The following TCF4 variants were observed in gnomAD, a reference collection of about 807,000 sequenced individuals.
The protein encoded by TCF4 is SL3-3 enhancer factor 2.
In TCF4, 3 loss-of-function variants were observed where a neutral mutation model predicts 82.1. The ratio of observed to expected loss-of-function variants is 0.04; its 90% CI spans 0.02 to 0.09. TCF4 has a LOEUF of 0.09. TCF4 is among the 10% of genes least tolerant of loss of function. TCF4 has a pLI of 1.00. For synonymous variants in TCF4, 276 were observed against 309.6 expected, an observed-to-expected ratio of 0.89 and a Z score of 1.14; for missense variants, 518 against 852.7, an observed-to-expected ratio of 0.61 and a Z score of 4.89.
intron 3 of TCF4, among the ~76,000 whole-genome samples, chr18:55,484,857 G>A (rs566402254): frequency 6.6e-6 from 1 of 152,230 alleles, no homozygotes; most frequent in East Asian, 1.9e-4. Flanking sequence ...TTAGTAGAAC[G>A]TGCAGCAGTT....
chr18:55,325,795 A>C (rs1291281248), intron 8 of TCF4, among the ~76,000 whole-genome samples: 2 of 152,230 alleles, frequency 1.3e-5, no homozygotes, highest in Admixed American at 6.5e-5. Flanking sequence ...AATTAGCTAA[A>C]CATCATATCC....
At position 55,535,617 on chromosome 18, in the gene TCF4, A is replaced by AT. The variant is rs1002389451; in HGVS notation, c.145+49662dup. Among the ~76,000 whole-genome samples the AT allele has an allele frequency of 6.3e-3, 965 of 152,288 alleles. 14 individuals carry two copies. The highest frequency in any genetic ancestry group is 0.022 in the African/African-American group (930 of 41,568). On this transcript the variant is annotated intron_variant, in intron 3 of 19. Transcript: ENST00000354452. ...TTGAGAAAATGTGGCAATAAAATATATTTTTTCTTGGAGGCAAATCCTAAA... is the reference window on the plus strand; with the variant it reads ...TTGAGAAAATGTGGCAATAAAATATATTTTTTTCTTGGAGGCAAATCCTAAA...
intron 5 of TCF4, among the ~76,000 whole-genome samples, chr18:55,457,020 C>T (rs868030122): frequency 6.6e-6 from 1 of 152,142 alleles, no homozygotes. Flanking sequence ...AGGCAAAATG[C>T]AACCTGGCAT....
At chr18:55,586,150 G>GAGGAGCAGC (rs1156253191) in intron 2 of TCF4, 3 of 1,222,914 alleles carry the variant, frequency 2.5e-6, no homozygotes, top group East Asian at 7.3e-5. Context: ...GGAGGAGGAG[G>GAGGAGCAGC]AGGAGCAGCA....
At chr18:55,629,859 G>A (rs957757133) in intron 2 of TCF4, among the ~76,000 whole-genome samples, 1 of 152,230 alleles carries the variant, frequency 6.6e-6, no homozygotes, top group Non-Finnish European at 1.5e-5. Context: ...CTTGGACCAC[G>A]GGGCTTTTGT....
At chr18:55,266,123 T>A (rs1257426895) in intron 11 of TCF4, 2 of 152,090 alleles carry the variant, frequency 1.3e-5, no homozygotes, top group Admixed American at 1.3e-4. Flanking sequence ...GTCTCAGTGG[T>A]CTGTGCTATG....
intron 3 of TCF4, among the ~76,000 whole-genome samples, chr18:55,515,197 T>C (rs1191803270): frequency 6.6e-6 from 1 of 151,920 alleles, no homozygotes; most frequent in Non-Finnish European, 1.5e-5. Context: ...GTCAGGCAAG[T>C]AGATGAGAGA....
intron 3 of TCF4, among the ~76,000 whole-genome samples, chr18:55,497,231 T>C (rs543180680): frequency 4.6e-5 from 7 of 152,338 alleles, no homozygotes; most frequent in South Asian, 2.1e-4. Flanking sequence ...AGTTTCTGAA[T>C]CCTAAATTAG....
At chr18:55,385,395 T>A (rs1603430561) in intron 6 of TCF4, among the ~76,000 whole-genome samples, 1 of 152,336 alleles carries the variant, frequency 6.6e-6, no homozygotes, top group Non-Finnish European at 1.5e-5. Context: ...AACCTCCAAA[T>A]GTTTTTCATA....
Position 55,461,095 on chromosome 18 carries a change from G to A in TCF4, c.228C>T (p.Pro76=). 6.2e-7 allele frequency: 1 copy of A among 1,613,092 alleles called. No individual in the cohort carries two copies. Among genetic ancestry groups the A allele is most frequent in the Non-Finnish European group, 8.5e-7 (1 of 1,179,338 alleles). ...SPSRNYGDGT[P]YDHMTSRDLG... ...GGTCCCTGCTGGTCATGTGGTCATA[G>A]GGAGTCCCATCTCCATAGTTCTGTA... The change falls in exon 5 of 20, where the codon CCC becomes CCT. Residue 76 remains proline (P), a synonymous_variant. Transcript: ENST00000354452.
chr18:55,554,723 T>C (rs766572513), intron 3 of TCF4, among the ~76,000 whole-genome samples: 1 of 152,190 alleles, frequency 6.6e-6, no homozygotes, highest in Non-Finnish European at 1.5e-5. Context: ...TGCCATGCAG[T>C]GGCCCTGGCA....
Position 55,322,425 on chromosome 18 carries a change from GAAAAAAAAAAAAAA to G in TCF4, c.549+27920_549+27933del, listed in dbSNP as rs967879627. 2.2e-5 allele frequency: 17 copies of G among 776,972 alleles called. No individual in the cohort carries two copies. The African/African-American group carries it at 5.0e-4, about 23-fold the overall frequency. 48.1% of individuals were successfully genotyped at this position (776,972 alleles called of 1,614,324 possible). On this transcript the variant is annotated intron_variant, in intron 8 of 19. Coordinates refer to ENST00000354452, the MANE Select transcript of TCF4 (RefSeq NM_001083962.2). Reference sequence around the variant, plus strand: ...GAAAGGGGAGGGAAAGGGGAGGGAAGAAAAAAAAAAAAAAAAAAAAAAAAACACCACGTCTCTGA... The same window carrying G: ...GAAAGGGGAGGGAAAGGGGAGGGAAGAAAAAAAAAAACACCACGTCTCTGA...
At position 55,444,796 on chromosome 18, in the gene TCF4, T is replaced by A. The variant is rs189858466; in HGVS notation, c.304+16223A>T. ...CCACAGACATGTCAAAAATTCATTA[T>A]TTCCAAAACTGAACTGACCACCTTA... On this transcript the variant is annotated intron_variant, in intron 5 of 19. Coordinates refer to ENST00000354452, the MANE Select transcript of TCF4 (RefSeq NM_001083962.2). Among the ~76,000 whole-genome samples the A allele has an allele frequency of 1.9e-3, 294 of 152,318 alleles. 1 individual carries two copies. Among genetic ancestry groups the A allele is most frequent in the Non-Finnish European group, 2.9e-3 (199 of 68,030 alleles).
In TCF4 at chr18:55,556,258, C is replaced by T. The variant is rs528533850; in HGVS notation, c.145+29022G>A. Among the ~76,000 whole-genome samples the T allele has an allele frequency of 2.1e-3, 320 of 152,096 alleles. 3 individuals are homozygous for T. Among genetic ancestry groups the T allele is most frequent in the Non-Finnish European group, 3.0e-3 (205 of 67,990 alleles). On this transcript the variant is annotated intron_variant, in intron 3 of 19. Transcript: ENST00000354452. The stretch of plus-strand genomic sequence containing the variant: ...TTCCACAATGCTCTGTATCTCACAT[C>T]CCCTGCTCAAGAGCAATAGTGTTTA...
chr18:55,347,579 C>A (rs1387667930), intron 8 of TCF4, among the ~76,000 whole-genome samples: 1 of 152,152 alleles, frequency 6.6e-6, no homozygotes, highest in Non-Finnish European at 1.5e-5. Context: ...TTTCTCTCTC[C>A]CACAGATGCT....
intron 5 of TCF4, among the ~76,000 whole-genome samples, chr18:55,425,329 G>C (rs2094932448): frequency 6.6e-6 from 1 of 151,202 alleles, no homozygotes; most frequent in Admixed American, 6.6e-5. Context: ...AGAATGGTTT[G>C]ATGATGCACT....
chr18:55,330,011 CCA>C (rs1415295022), intron 8 of TCF4, among the ~76,000 whole-genome samples: 3 of 152,106 alleles, frequency 2.0e-5, no homozygotes, highest in Non-Finnish European at 4.4e-5. Flanking sequence ...GAACTGAATG[CCA>C]CATTCTTTAT....
In TCF4 at chr18:55,548,009, G is replaced by C. The variant is rs540190120; in HGVS notation, c.145+37271C>G. On this transcript the variant is annotated intron_variant, in intron 3 of 19. Transcript: ENST00000354452. ...CCTCCCCATTTCAAGAACGCAGCCA[G>C]CTTCTATGTGTTCAGATGAAACCCT... Among the ~76,000 whole-genome samples, 10 of 152,304 alleles carry C rather than the reference G, an allele frequency of 6.6e-5. 1 individual carries two copies. In the South Asian group the frequency reaches 2.1e-3, roughly 32 times the overall value.
chr18:55,577,098 A>G (rs2097534621), intron 3 of TCF4, among the ~76,000 whole-genome samples: 2 of 146,470 alleles, frequency 1.4e-5, no homozygotes, highest in Non-Finnish European at 1.5e-5. Flanking sequence ...ATACATTTAT[A>G]TATTTATATA....
Sources: gnomAD v4.1 joint callset for allele counts (sites outside exome capture counted in the v4.1 genomes callset) on GRCh38, gnomAD v4.1.1 for gene constraint, MANE v1.5 for transcripts, NCBI Gene and HGNC (gene_info 2026-07-23, HGNC 2026-07-21) for gene names.